Variants in MTHFD1L observed in about 807,000 individuals in gnomAD.
MTHFD1L encodes the protein methylenetetrahydrofolate dehydrogenase (NADP+ dependent) 1 like.
MTHFD1L carries 81 observed loss-of-function variants against 119.5 expected under a neutral mutation model. The ratio of observed to expected loss-of-function variants is 0.68; its 90% CI spans 0.57 to 0.82. The LOEUF (loss-of-function observed/expected upper bound fraction) is 0.82. MTHFD1L is among the 40% of genes least tolerant of loss of function. The pLI, the probability that MTHFD1L is intolerant of heterozygous loss-of-function variation, is 0.00. For missense variants in MTHFD1L, 1,125 were observed against 1,253.4 expected (o/e 0.90, Z 1.55); for synonymous variants, 430 against 475.2 (o/e 0.90, Z 1.24).
intron 11 of MTHFD1L, 32 bp from the exon 12 acceptor site, chr6:150,936,769 ATAT>A (rs754172231): frequency 2.4e-5 from 39 of 1,600,116 alleles, no homozygotes; most frequent in Admixed American, 8.4e-5. Context: ...TGTCTGGGAA[ATAT>A]TATAAAATTC....
rs376737422 is a variant in MTHFD1L at position 150,919,592 on chromosome 6, A to C, written c.984+924A>C. Among the ~76,000 whole-genome samples, 16 of 152,264 alleles carry C rather than the reference A, an allele frequency of 1.1e-4. 1 individual carries two copies. The East Asian group carries it at 1.2e-3, about 11-fold the overall frequency. On this transcript the variant is annotated intron_variant, in intron 9 of 27. Coordinates refer to ENST00000367321, the MANE Select transcript of MTHFD1L (RefSeq NM_015440.5). ...CATCTGCTTCTGGAGAGGCCTCACC[A>C]AGCTTCCAAGAATGGCAGAAAGTGA...
chr6:150,956,171 T>C (rs1483855172), intron 17 of MTHFD1L, 100 bp downstream of exon 17: 5 of 1,193,074 alleles, frequency 4.2e-6, no homozygotes, highest in Non-Finnish European at 6.2e-6. Context: ...CCCCAACCTG[T>C]TGTGGCCAGT....
intron 4 of MTHFD1L, among the ~76,000 whole-genome samples, chr6:150,881,456 T>C (rs1049169961): frequency 1.3e-5 from 2 of 152,182 alleles, no homozygotes; most frequent in Admixed American, 1.3e-4. Context: ...ATTTGTATGG[T>C]GTTATATTGA....
At position 150,995,501 on chromosome 6, in the gene MTHFD1L, C is replaced by T. The variant is rs1268884320; in HGVS notation, c.2126-14318C>T. Among the ~76,000 whole-genome samples the T allele has an allele frequency of 1.3e-4, 15 of 117,578 alleles. No individual in the cohort carries two copies. The Admixed American group carries it at 1.4e-3, about 11-fold the overall frequency. 77.1% of individuals were successfully genotyped at this position (117,578 alleles called of 152,430 possible). On this transcript the variant is annotated intron_variant, in intron 20 of 27. Coordinates refer to ENST00000367321, the MANE Select transcript of MTHFD1L (RefSeq NM_015440.5). ...TGCATTCCAGCCTGGGCAACAAGAG[C>T]GAAACTCCGTCTCAAAAAAAAAAAA... is the stretch of plus-strand genomic sequence containing the variant.
intron 9 of MTHFD1L, among the ~76,000 whole-genome samples, chr6:150,921,744 G>T (rs1583568074): frequency 1.3e-5 from 2 of 152,116 alleles, no homozygotes; most frequent in South Asian, 4.1e-4. Context: ...ACATTTTCCT[G>T]TTTTTCTTTT....
chr6:150,884,036 T>C (rs904368533), intron 5 of MTHFD1L, among the ~76,000 whole-genome samples: 2 of 151,920 alleles, frequency 1.3e-5, no homozygotes, highest in Non-Finnish European at 1.5e-5. Flanking sequence ...CTGGGCACAG[T>C]GGCTCACACC....
chr6:150,872,695 T>C (rs1473645691), intron 1 of MTHFD1L, among the ~76,000 whole-genome samples: 1 of 152,122 alleles, frequency 6.6e-6, no homozygotes, highest in East Asian at 1.9e-4. Flanking sequence ...ATGACTCCCA[T>C]AGACTTAAAA....
At chr6:151,077,006 G>T (rs577846973) in intron 26 of MTHFD1L, among the ~76,000 whole-genome samples, 5 of 152,278 alleles carry the variant, frequency 3.3e-5, no homozygotes, top group African/African-American at 9.6e-5. Flanking sequence ...AAATAAAGTT[G>T]TGAAAAGTAG....
intron 11 of MTHFD1L, among the ~76,000 whole-genome samples, chr6:150,929,678 T>G (rs1020468258): frequency 1.3e-5 from 2 of 152,222 alleles, no homozygotes; most frequent in Non-Finnish European, 2.9e-5. Context: ...ACGCTGGCTT[T>G]TTGCTAGCAT....
At chr6:150,927,191 A>G (rs1178146218) in intron 11 of MTHFD1L, among the ~76,000 whole-genome samples, 1 of 152,144 alleles carries the variant, frequency 6.6e-6, no homozygotes, top group Non-Finnish European at 1.5e-5. Context: ...GTTTCATTGT[A>G]GAAATATTCT....
chr6:150,971,799 A>G (rs943877425), intron 19 of MTHFD1L, 148 bp from the exon 20 acceptor site: 3 of 618,286 alleles, frequency 4.9e-6, no homozygotes, highest in Non-Finnish European at 5.7e-6. Context: ...TGATTGAGTC[A>G]GGGTGTTTTG....
chr6:150,873,335 C>T (rs892107271), intron 1 of MTHFD1L, among the ~76,000 whole-genome samples: 10 of 152,064 alleles, frequency 6.6e-5, no homozygotes, highest in African/African-American at 2.2e-4. Context: ...AAGAAGTGTT[C>T]CTTTCATCAA....
chr6:150,957,836 C>CTT (rs35511404), intron 17 of MTHFD1L, among the ~76,000 whole-genome samples: 43,072 of 151,950 alleles, frequency 0.28, 6,420 homozygotes, highest in East Asian at 0.49. Flanking sequence ...ATTATAGGCA[C>CTT]TTACAACTTA....
intron 7 of MTHFD1L, among the ~76,000 whole-genome samples, chr6:150,897,010 G>A (rs774667631): frequency 7.2e-5 from 11 of 152,166 alleles, no homozygotes; most frequent in South Asian, 2.1e-4. Flanking sequence ...TCTGCTACTC[G>A]GGAGGCTGAG....
At chr6:150,978,972 G>T (rs552757898) in intron 20 of MTHFD1L, among the ~76,000 whole-genome samples, 5 of 152,294 alleles carry the variant, frequency 3.3e-5, no homozygotes, top group Non-Finnish European at 5.9e-5. Context: ...GGGCGCAGTG[G>T]CTCACTCCTG....
intron 26 of MTHFD1L, among the ~76,000 whole-genome samples, chr6:151,091,438 A>G (rs1039949985): frequency 1.3e-5 from 2 of 152,156 alleles, no homozygotes; most frequent in Non-Finnish European, 2.9e-5. Context: ...CAAGGGGGCC[A>G]GCATCAGAAG....
intron 11 of MTHFD1L, among the ~76,000 whole-genome samples, chr6:150,931,207 G>C (rs925598589): frequency 3.1e-4 from 46 of 149,814 alleles, no homozygotes; most frequent in Admixed American, 2.6e-3. Flanking sequence ...AGCCCAAACT[G>C]ATCTGGGAAT....
At chr6:150,886,435 C>CAAAAAAAA (rs996165446) in intron 6 of MTHFD1L, among the ~76,000 whole-genome samples, 1 of 69,634 alleles carries the variant, frequency 1.4e-5, no homozygotes, top group Non-Finnish European at 2.9e-5. Context: ...GACCCTGCCT[C>CAAAAAAAA]AAAAAAAAAA....
intron 26 of MTHFD1L, among the ~76,000 whole-genome samples, chr6:151,049,577 G>A (rs1358981949): frequency 8.6e-5 from 13 of 150,374 alleles, no homozygotes; most frequent in African/African-American, 1.7e-4. Context: ...CAGGAGAATC[G>A]CTTGAACCCA....
Sources: gnomAD v4.1 joint callset for allele counts (sites outside exome capture counted in the v4.1 genomes callset) on GRCh38, gnomAD v4.1.1 for gene constraint, MANE v1.5 for transcripts, NCBI Gene and HGNC (gene_info 2026-07-23, HGNC 2026-07-21) for gene names.